CR2: variants seen among roughly 807,000 people sequenced by gnomAD.
The protein encoded by CR2 is complement C3d receptor 2, also known as complement receptor type 2.
CR2 carries 96 observed loss-of-function variants against 123.0 expected under a neutral mutation model. That is an observed-to-expected ratio of 0.78 (90% CI 0.66 to 0.93). CR2 has a LOEUF of 0.93. Ranked by LOEUF, CR2 falls within the 40% of genes least tolerant of loss-of-function variation. The pLI is 0.00. For synonymous variants in CR2, 484 were observed against 469.5 expected (o/e 1.03, Z -0.40); for missense variants, 1,258 against 1,361.0 (o/e 0.92, Z 1.19).
chr1:207,467,360 G>A (rs953703201), intron 2 of CR2, among the ~76,000 whole-genome samples: 4 of 152,058 alleles, frequency 2.6e-5, no homozygotes, highest in African/African-American at 9.7e-5. Context: ...GCTCTCTGTG[G>A]TCTCTGTAAA....
At chr1:207,478,735 A>G (rs1373130933) in intron 16 of CR2, among the ~76,000 whole-genome samples, 1 of 152,112 alleles carries the variant, frequency 6.6e-6, no homozygotes, top group Admixed American at 6.5e-5. Context: ...ATCTGAGTTA[A>G]TAAGTGCTTA....
chr1:207,474,199 A>T (rs41304099), intron 12 of CR2, 42 bp from the exon 13 acceptor site: 24,018 of 1,426,048 alleles, frequency 0.017, 262 homozygotes, highest in Non-Finnish European at 0.019. Flanking sequence ...AAGAGATATG[A>T]TATTGGGAAC....
At position 207,478,000 on chromosome 1, in the gene CR2, G is replaced by A. The variant is rs760320098; in HGVS notation, c.3018G>A (p.Leu1006=). The part of the protein sequence containing the change: ...VTLECEDGYM[L]EGSPQSQCQS... Reference sequence around the variant, plus strand: ...TGGAGTGTGAAGATGGGTATATGCTGGAAGGCAGTCCCCAGAGCCAGTGCC... The same window carrying A: ...TGGAGTGTGAAGATGGGTATATGCTAGAAGGCAGTCCCCAGAGCCAGTGCC... Residue 1006 remains leucine, a synonymous_variant, in exon 16 of 20, where the codon CTG becomes CTA. Coordinates refer to ENST00000367057, the MANE Select transcript of CR2 (RefSeq NM_001006658.3). 3 of 1,614,004 alleles carry A rather than the reference G, an allele frequency of 1.9e-6. No individual in the cohort carries two copies. The highest frequency in any genetic ancestry group is 2.5e-6 in the Non-Finnish European group (3 of 1,179,950).
rs372421669 is a variant in CR2, at chr1:207,476,740, A to G, written c.2902+321A>G. ...GTTATGTTAAGTGTGTATTTGATAA[A>G]GTACCAATAAAAAGCACAGCAATCT... On this transcript the variant is annotated intron_variant, in intron 15 of 19. Transcript: ENST00000367057. Among the ~76,000 whole-genome samples the G allele has an allele frequency of 5.5e-4, 84 of 152,366 alleles. No homozygotes were observed. In the South Asian group the frequency reaches 0.01, roughly 18 times the overall value.
intron 5 of CR2, 119 bp downstream of exon 5, chr1:207,469,351 T>C (rs1658198041): frequency 9.2e-6 from 8 of 865,712 alleles, no homozygotes; most frequent in South Asian, 1.4e-5. Context: ...TCTTTAAGGA[T>C]ATGTGCTTCA....
intron 1 of CR2, among the ~76,000 whole-genome samples, chr1:207,460,873 A>G: frequency 6.6e-6 from 1 of 152,212 alleles, no homozygotes; most frequent in Admixed American, 6.5e-5. Context: ...TTACTCTACT[A>G]GATTAACAGA....
chr1:207,477,811 T>C (rs1658482300), intron 15 of CR2, 74 bp from the exon 16 acceptor site: 2 of 1,362,578 alleles, frequency 1.5e-6, no homozygotes, highest in Non-Finnish European at 2.1e-6. Flanking sequence ...AATCTTTCTA[T>C]TAAGGGAAAT....
chr1:207,479,011 A>G (rs925665430), intron 16 of CR2, among the ~76,000 whole-genome samples: 17 of 152,014 alleles, frequency 1.1e-4, no homozygotes, highest in Non-Finnish European at 2.5e-4. Flanking sequence ...TTAAATAGAC[A>G]CAAGGTCTCA....
rs769755477 is a variant in CR2 at position 207,472,791 on chromosome 1, C to A, written c.1590C>A (p.Pro530=). The change falls in exon 10 of 20, where the codon CCC becomes CCA. Residue 530 remains proline, a synonymous_variant. Transcript: ENST00000367057. ...CTCTAGAAATCACCTGCCCACCACC[C>A]CCTGTTATCTACAATGGGGCACACA... ...RLCKEITCPP[P]PVIYNGAHTG... is the part of the protein sequence containing the mutation. 8.1e-6 allele frequency: 13 copies of A among 1,613,742 alleles called. No homozygotes were observed. Among genetic ancestry groups the A allele is most frequent in the Admixed American group, 3.3e-5 (2 of 59,958 alleles).
At chr1:207,464,297 G>A (rs1015837397) in intron 1 of CR2, among the ~76,000 whole-genome samples, 4 of 152,174 alleles carry the variant, frequency 2.6e-5, no homozygotes, top group African/African-American at 7.2e-5. Context: ...TAAATTGTAG[G>A]CTGAGTTGCA....
chr1:207,487,897 C>T (rs1658791903), intron 19 of CR2, among the ~76,000 whole-genome samples: 1 of 152,194 alleles, frequency 6.6e-6, no homozygotes, highest in Non-Finnish European at 1.5e-5. Context: ...TGGAAGTTCT[C>T]TTCCGATGAT....
Position 207,469,155 on chromosome 1 carries a change from G to T in CR2, c.740G>T (p.Arg247Leu). Residue 247 changes from arginine to leucine, a missense_variant, in exon 5 of 20, where the codon CGA (arginine) becomes CTA (leucine). Physicochemically the swap from Arg to Leu is moderately radical, Grantham distance 102 (BLOSUM62 -2). Coordinates refer to ENST00000367057, the MANE Select transcript of CR2 (RefSeq NM_001006658.3). ...TANFFCDEGY[R>L]LQGPPSSRCV... ...TGACAACCTTCTGTCTCCAGGTATC[G>T]ACTGCAAGGCCCACCTTCTAGTCGG... 1 of 1,613,764 alleles carries T rather than the reference G, an allele frequency of 6.2e-7. No homozygotes were observed. The highest frequency in any genetic ancestry group is 1.1e-5 in the South Asian group (1 of 91,044).
chr1:207,457,055 G>A (rs541194125), intron 1 of CR2, among the ~76,000 whole-genome samples: 3 of 152,240 alleles, frequency 2.0e-5, no homozygotes, highest in South Asian at 2.1e-4. Flanking sequence ...ACAAAACTGT[G>A]TTCTATTTTC....
rs1658255055 is a variant in CR2, at chr1:207,470,855, A to G, written c.1341A>G (p.Gly447=). 1 of 1,613,788 alleles carries G rather than the reference A, an allele frequency of 6.2e-7. No homozygotes were observed. The highest frequency in any genetic ancestry group is 8.5e-7 in the Non-Finnish European group (1 of 1,179,890). The change falls in exon 7 of 20, where the codon GGA becomes GGG. Residue 447 remains glycine, a synonymous_variant. Transcript: ENST00000367057. ...GTAACCCTGGCTATGTGCTGGTGGG[A>G]GAAGAATCCATACAGTGTACCTCTG... The part of the protein sequence containing the change: ...YSCNPGYVLV[G]EESIQCTSEG...
At chr1:207,472,159 G>A (rs1658300638) in intron 9 of CR2, among the ~76,000 whole-genome samples, 1 of 151,966 alleles carries the variant, frequency 6.6e-6, no homozygotes, top group South Asian at 2.1e-4. Flanking sequence ...TGAGGCAGGA[G>A]AATCACTTGA....
rs1393956769 is a variant in CR2, at chr1:207,478,027, A to G, written c.3045A>G (p.Gln1015=). 1 of 1,614,058 alleles carries G rather than the reference A, an allele frequency of 6.2e-7. No individual in the cohort carries two copies. The highest frequency in any genetic ancestry group is 1.7e-5 in the Admixed American group (1 of 59,980). The change falls in exon 16 of 20, where the codon CAA becomes CAG. Residue 1015 remains glutamine (Q), a synonymous_variant. Transcript: ENST00000367057. ...AAGGCAGTCCCCAGAGCCAGTGCCA[A>G]TCGGATCACCAATGGAACCCTCCCC... ...MLEGSPQSQC[Q]SDHQWNPPLA... is the part of the protein sequence containing the mutation.
chr1:207,455,145 T>C (rs1459711945), intron 1 of CR2, among the ~76,000 whole-genome samples: 2 of 152,236 alleles, frequency 1.3e-5, no homozygotes, highest in Non-Finnish European at 2.9e-5. Context: ...TTATTATATC[T>C]TTTTTTCCTC....
rs751995164 is a variant in CR2, at chr1:207,473,096, G to C, written c.1895G>C (p.Ser632Thr). ...YNDTVTFKCYSGFTLKGSSQI... is the reference protein window; with the variant it reads ...YNDTVTFKCYTGFTLKGSSQI... ...GACACTGTGACATTCAAGTGTTATA[G>C]TGGATTTACTTTGAAGGGCAGTAGT... The change falls in exon 10 of 20, where the codon AGT becomes ACT. Residue 632 changes from serine (S) to threonine (T), a missense_variant. By Grantham distance (58) the Ser-to-Thr change is moderately conservative. Transcript: ENST00000367057. 3 of 1,614,018 alleles carry C rather than the reference G, an allele frequency of 1.9e-6. No individual in the cohort carries two copies. In the South Asian group the frequency reaches 3.3e-5, roughly 18 times the overall value.
At chr1:207,462,714 A>G (rs1385789897) in intron 1 of CR2, among the ~76,000 whole-genome samples, 3 of 152,218 alleles carry the variant, frequency 2.0e-5, no homozygotes, top group Non-Finnish European at 2.9e-5. Context: ...GAGTCCAGTC[A>G]CTAAACTTCA....
Sources: allele counts gnomAD v4.1 joint callset (sites outside exome capture counted in the v4.1 genomes callset), GRCh38; gene constraint gnomAD v4.1.1; transcripts MANE v1.5; gene names NCBI Gene and HGNC (gene_info 2026-07-23, HGNC 2026-07-21).